The following INSYN2A variants were observed in gnomAD, a reference collection of about 807,000 sequenced individuals.
INSYN2A encodes inhibitory synaptic factor 2A.
INSYN2A carries 17 observed loss-of-function variants against 39.4 expected under a neutral mutation model. That is an observed-to-expected ratio of 0.43 (90% confidence interval 0.30 to 0.65). The LOEUF (loss-of-function observed/expected upper bound fraction) is 0.65. Ranked by LOEUF, INSYN2A falls within the 30% of genes least tolerant of loss-of-function variation. INSYN2A has a pLI of 0.14. For synonymous variants in INSYN2A, 255 were observed against 265.7 expected, an observed-to-expected ratio of 0.96 and a Z score of 0.39; for missense variants, 595 against 631.2, an observed-to-expected ratio of 0.94 and a Z score of 0.61.
At chr10:127,188,579 C>A (rs927997128) in intron 2 of INSYN2A, among the ~76,000 whole-genome samples, 1 of 152,094 alleles carries the variant, frequency 6.6e-6, no homozygotes, top group Non-Finnish European at 1.5e-5. Context: ...CAAGGTCTTC[C>A]CATGCTACCA....
intron 2 of INSYN2A, among the ~76,000 whole-genome samples, chr10:127,180,946 A>G (rs911542745): frequency 6.6e-6 from 1 of 152,168 alleles, no homozygotes; most frequent in African/African-American, 2.4e-5. Context: ...TTTGGGGAGA[A>G]TGGAGGGAGG....
rs2057128750 is a variant in INSYN2A, at chr10:127,196,196, T to C, written c.-594A>G. 6.7e-6 allele frequency: 1 copy of C among 149,484 alleles called. No individual in the cohort carries two copies. The highest frequency in any genetic ancestry group is 2.4e-5 in the African/African-American group (1 of 40,862). The allele number at this position is 149,484 out of a possible 1,614,324, so 9.3% of individuals were successfully genotyped here. The stretch of plus-strand genomic sequence containing the variant: ...GCCTGCTGCCCGCCCCCTCCACCGC[T>C]GCCGGCCCGGCCCTGCTGGCCCGGC... On this transcript the variant is annotated 5_prime_UTR_variant, in exon 1 of 6. Transcript: ENST00000522781.
chr10:127,170,972 A>C (rs1046390144), intron 4 of INSYN2A, among the ~76,000 whole-genome samples: 3 of 152,234 alleles, frequency 2.0e-5, no homozygotes, highest in African/African-American at 7.2e-5. Flanking sequence ...CTTTTTGCAC[A>C]TCTAACCTAC....
Position 127,137,945 on chromosome 10 carries a change from A to G in INSYN2A, c.1332T>C (p.Thr444=). The stretch of plus-strand genomic sequence containing the variant: ...GAGAGTAAGGCGAAGGTATGACCTG[A>G]GTTTCCTCAATAGGGTGGAGTTTTC... ...VLRKLHPIEE[T]QVIPSPYSQE... is the part of the protein sequence containing the mutation. Residue 444 remains threonine (T), a synonymous_variant, in exon 6 of 6, where the codon ACT becomes ACC. Coordinates refer to ENST00000522781, the MANE Select transcript of INSYN2A (RefSeq NM_001039762.3). 1.9e-6 allele frequency: 3 copies of G among 1,614,090 alleles called. No homozygotes were observed. In the South Asian group the frequency reaches 3.3e-5, roughly 18 times the overall value.
intron 4 of INSYN2A, among the ~76,000 whole-genome samples, chr10:127,174,769 C>G (rs1564868559): frequency 6.6e-6 from 1 of 152,220 alleles, no homozygotes. Context: ...TCAGCATTTA[C>G]TTTTCCAAAT....
chr10:127,142,423 A>T (rs1177522993), intron 5 of INSYN2A, among the ~76,000 whole-genome samples: 3 of 152,166 alleles, frequency 2.0e-5, no homozygotes, highest in Non-Finnish European at 2.9e-5. Context: ...TTTGTAAAGC[A>T]TGGGCAGGGG....
At chr10:127,190,669 C>G (rs1236623436) in intron 2 of INSYN2A, among the ~76,000 whole-genome samples, 4 of 21,442 alleles carry the variant, frequency 1.9e-4, no homozygotes, top group Admixed American at 1.1e-3. Context: ...CTATCTTCCC[C>G]CCCCCCCCCC....
chr10:127,138,496 T>A (rs1418076858), intron 5 of INSYN2A, among the ~76,000 whole-genome samples: 2 of 152,086 alleles, frequency 1.3e-5, no homozygotes, highest in Non-Finnish European at 2.9e-5. Context: ...CTAAAACAAT[T>A]CTGGAAGGAA....
At position 127,176,007 on chromosome 10, in the gene INSYN2A, A is replaced by G; in HGVS notation, c.389T>C (p.Leu130Pro). ...LDRKKGNLKS[L>P]PAADPFKSQN... ...GCTTTTAAAGGGATCTGCAGCTGGG[A>G]GGCTTTTGAGGTTCCCCTTTTTGCG... Residue 130 changes from leucine to proline, a missense_variant, in exon 4 of 6, where the codon CTC becomes CCC. Coordinates refer to ENST00000522781, the MANE Select transcript of INSYN2A (RefSeq NM_001039762.3). This position sits in a 1 kb window ranked among gnomAD's most constrained non-coding sequence, Gnocchi z 4.4. 6.2e-7 allele frequency: 1 copy of G among 1,614,084 alleles called. No individual in the cohort carries two copies. The highest frequency in any genetic ancestry group is 8.5e-7 in the Non-Finnish European group (1 of 1,180,024).
At chr10:127,188,062 G>A (rs1316670679) in intron 2 of INSYN2A, among the ~76,000 whole-genome samples, 1 of 152,190 alleles carries the variant, frequency 6.6e-6, no homozygotes. Flanking sequence ...TAATGAATGA[G>A]TGAATGTCAC....
intron 2 of INSYN2A, among the ~76,000 whole-genome samples, chr10:127,184,887 T>C (rs1158385018): frequency 6.6e-6 from 1 of 152,162 alleles, no homozygotes; most frequent in African/African-American, 2.4e-5. Flanking sequence ...CACTGAACAG[T>C]GCATGCCTGG....
chr10:127,145,454 A>C (rs1048163055), intron 5 of INSYN2A, among the ~76,000 whole-genome samples: 5 of 152,208 alleles, frequency 3.3e-5, no homozygotes, highest in African/African-American at 1.2e-4. Context: ...TCCTGACCTC[A>C]GTGAAGAACA....
chr10:127,169,198 C>T (rs2054343547), intron 4 of INSYN2A, among the ~76,000 whole-genome samples: 1 of 152,154 alleles, frequency 6.6e-6, no homozygotes, highest in Non-Finnish European at 1.5e-5. Flanking sequence ...GTGTGTCATA[C>T]ACACACAGAG....
intron 2 of INSYN2A, among the ~76,000 whole-genome samples, chr10:127,189,459 T>C (rs2134073721): frequency 6.6e-6 from 1 of 152,282 alleles, no homozygotes; most frequent in African/African-American, 2.4e-5. Flanking sequence ...ACCCTGGGTG[T>C]TTTTGCCACA....
intron 4 of INSYN2A, among the ~76,000 whole-genome samples, chr10:127,164,224 C>T (rs1284214514): frequency 1.7e-5 from 2 of 118,400 alleles, no homozygotes; most frequent in Non-Finnish European, 3.3e-5. Flanking sequence ...TGCTCTGTCA[C>T]CCAGGCTGGA....
chr10:127,186,507 G>GCC (rs1326283340), intron 2 of INSYN2A, among the ~76,000 whole-genome samples: 473 of 5,902 alleles, frequency 0.08, 61 homozygotes, highest in African/African-American at 0.13. Flanking sequence ...GGGAGAAACC[G>GCC]CCCCCCCGCC....
intron 4 of INSYN2A, among the ~76,000 whole-genome samples, chr10:127,161,174 G>T (rs1589704307): frequency 6.6e-6 from 1 of 152,208 alleles, no homozygotes; most frequent in South Asian, 2.1e-4. Flanking sequence ...GCTGTTTACA[G>T]CTAAAGTGGA....
At chr10:127,145,257 C>T (rs1178550839) in intron 5 of INSYN2A, among the ~76,000 whole-genome samples, 1 of 152,090 alleles carries the variant, frequency 6.6e-6, no homozygotes, top group Non-Finnish European at 1.5e-5. Context: ...CAGAGGCAGA[C>T]CCAAGTCATT....
intron 4 of INSYN2A, among the ~76,000 whole-genome samples, chr10:127,157,741 A>G (rs1344911437): frequency 1.3e-5 from 2 of 152,132 alleles, no homozygotes; most frequent in Non-Finnish European, 2.9e-5. Context: ...TGTGAGAATT[A>G]TTTTTAGGAC....
Sources: allele counts gnomAD v4.1 joint callset (sites outside exome capture counted in the v4.1 genomes callset), GRCh38; gene constraint gnomAD v4.1.1; non-coding constraint Gnocchi (gnomAD v3.1); transcripts MANE v1.5; gene names NCBI Gene and HGNC (gene_info 2026-07-23, HGNC 2026-07-21).